The following CLVS1 variants were observed in gnomAD, a reference collection of about 807,000 sequenced individuals.
The protein encoded by CLVS1 is clavesin 1, also known as clavesin-1.
In CLVS1, 10 loss-of-function variants were observed where a neutral mutation model predicts 33.1. That is an observed-to-expected ratio of 0.30 (90% CI 0.19 to 0.51). The LOEUF (loss-of-function observed/expected upper bound fraction) is 0.51, where lower values mean the gene tolerates loss of function less well. Among genes scored for constraint, CLVS1 ranks in the 20% least tolerant of loss-of-function variants. The probability of loss-of-function intolerance (pLI) is 0.97; values close to 1 mark genes in which losing one functional copy is unlikely to be tolerated. For synonymous variants in CLVS1, 163 were observed against 166.1 expected (o/e 0.98, Z 0.14); for missense variants, 343 against 433.4 (o/e 0.79, Z 1.85).
At chr8:61,480,842 A>G (rs1435212788) in intron 5 of CLVS1, among the ~76,000 whole-genome samples, 1 of 152,076 alleles carries the variant, frequency 6.6e-6, no homozygotes, top group Non-Finnish European at 1.5e-5. Context: ...TGAACGTGGA[A>G]TGCTGTTTTA....
chr8:61,223,438 G>A (rs1207727822), intron 2 of CLVS1, among the ~76,000 whole-genome samples: 3 of 152,144 alleles, frequency 2.0e-5, no homozygotes, highest in Non-Finnish European at 4.4e-5. Flanking sequence ...CACTTATGAA[G>A]CCTAGTTTCA....
rs200931790 is a variant in CLVS1, at chr8:61,379,441, GT to G, written c.630+2664del. On this transcript the variant is annotated intron_variant, in intron 3 of 5. Coordinates refer to ENST00000325897, the MANE Select transcript of CLVS1 (RefSeq NM_173519.3). ...CAATACCTCCTGCAGGGACAAGGTG[GT>G]TGGGCCCCTCCCAGACAGCCCAATC... 4.9e-3 allele frequency among the ~76,000 whole-genome samples: 739 copies of G among 151,442 alleles called. 3 individuals carry two copies. Among genetic ancestry groups the G allele is most frequent in the African/African-American group, 0.016 (674 of 41,162 alleles).
chr8:61,143,695 A>G (rs1023693853), intron 2 of CLVS1, among the ~76,000 whole-genome samples: 1 of 150,610 alleles, frequency 6.6e-6, no homozygotes, highest in Non-Finnish European at 1.5e-5. Flanking sequence ...TTATTTTACA[A>G]TAAATTACTC....
intron 2 of CLVS1, among the ~76,000 whole-genome samples, chr8:61,220,672 G>T (rs917346326): frequency 6.6e-6 from 1 of 151,618 alleles, no homozygotes; most frequent in Non-Finnish European, 1.5e-5. Context: ...TGAAATTTAA[G>T]ATAGTTTTTT....
At chr8:61,489,915 A>T (rs1804011083) in intron 5 of CLVS1, among the ~76,000 whole-genome samples, 1 of 152,238 alleles carries the variant, frequency 6.6e-6, no homozygotes. Flanking sequence ...AGGGCAGACT[A>T]CTTGTAGCAA....
intron 3 of CLVS1, among the ~76,000 whole-genome samples, chr8:61,436,242 G>A (rs1044680578): frequency 2.6e-5 from 4 of 152,108 alleles, no homozygotes; most frequent in Admixed American, 1.3e-4. Context: ...GCACTGCAAT[G>A]TATCTCATCT....
At chr8:61,245,271 C>T (rs1464472935) in intron 2 of CLVS1, among the ~76,000 whole-genome samples, 1 of 152,060 alleles carries the variant, frequency 6.6e-6, no homozygotes, top group Non-Finnish European at 1.5e-5. Context: ...CAACCTCTGC[C>T]TCCTGAGTTC....
chr8:61,059,499 T>TATATATATACAC (rs1265187479), intron 1 of CLVS1, among the ~76,000 whole-genome samples: 8 of 96,346 alleles, frequency 8.3e-5, no homozygotes, highest in Admixed American at 1.3e-4. Context: ...TATATATATA[T>TATATATATACAC]ACACATATCT....
At chr8:61,128,997 T>C (rs1806033892) in intron 1 of CLVS1, among the ~76,000 whole-genome samples, 1 of 152,256 alleles carries the variant, frequency 6.6e-6, no homozygotes, top group African/African-American at 2.4e-5. Flanking sequence ...ATTTCTTTTT[T>C]ATTGCATTTG....
At chr8:61,001,360 G>C in the CLVS1 span, among the ~76,000 whole-genome samples, 1 of 152,156 alleles carries the variant, frequency 6.6e-6, no homozygotes, top group Non-Finnish European at 1.5e-5. Context: ...TCAGAATGAT[G>C]ACTAAGATAT....
At position 61,251,946 on chromosome 8, in the gene CLVS1, T is replaced by C. The variant is rs141918149; in HGVS notation, c.-151-47731T>C. Among the ~76,000 whole-genome samples the C allele has an allele frequency of 8.0e-3, 1,214 of 152,302 alleles. 17 individuals carry two copies. The highest frequency in any genetic ancestry group is 0.054 in the East Asian group (279 of 5,180). ...TTCTGCTCTGATCTTAGTTATTTTT[T>C]GTCTTCTGCTAATTTTTGAATTTGT... On this transcript the variant is annotated intron_variant, in intron 2 of 2. Coordinates refer to the CLVS1 transcript ENST00000522621.
At chr8:61,277,970 A>G (rs2129593048) in intron 2 of CLVS1, among the ~76,000 whole-genome samples, 1 of 152,204 alleles carries the variant, frequency 6.6e-6, no homozygotes, top group East Asian at 1.9e-4. Context: ...AAAGCTTGTT[A>G]ATGTAGAGTC....
the CLVS1 span, among the ~76,000 whole-genome samples, chr8:61,014,730 A>G: frequency 1.2e-4 from 18 of 152,268 alleles, no homozygotes; most frequent in African/African-American, 3.9e-4. Flanking sequence ...AGGATGATGC[A>G]CAGTGGAGTA....
chr8:61,144,450 A>G (rs1806376109), intron 2 of CLVS1, among the ~76,000 whole-genome samples: 1 of 152,090 alleles, frequency 6.6e-6, no homozygotes. Flanking sequence ...CCAGCCTATC[A>G]TTGATGGGCA....
intron 2 of CLVS1, among the ~76,000 whole-genome samples, chr8:61,311,190 T>C (rs914868665): frequency 6.6e-6 from 1 of 152,178 alleles, no homozygotes; most frequent in Non-Finnish European, 1.5e-5. Flanking sequence ...AAGCTGTTGA[T>C]TGATGAGGGA....
intron 4 of CLVS1, 65 bp from the exon 5 acceptor site, chr8:61,458,242 A>C: frequency 1.7e-6 from 2 of 1,169,188 alleles, no homozygotes; most frequent in Non-Finnish European, 2.5e-6. Flanking sequence ...ATTGTGTATT[A>C]GATGAAATCT....
chr8:60,994,531 C>G, the CLVS1 span, among the ~76,000 whole-genome samples: 245 of 152,342 alleles, frequency 1.6e-3, 2 homozygotes, highest in African/African-American at 5.4e-3. Flanking sequence ...GCTACTCTGA[C>G]TTGGCTGAAT....
In CLVS1 at chr8:61,238,846, T is replaced by C. The variant is rs113285515; in HGVS notation, c.-151-60831T>C. On this transcript the variant is annotated intron_variant, in intron 2 of 2. Transcript: ENST00000522621. ...AATTTTTCACTCTAATGGATATCTT[T>C]AAACATCAATCTTGGTCCATACCCA... 2.4e-4 allele frequency among the ~76,000 whole-genome samples: 37 copies of C among 152,376 alleles called. 1 individual carries two copies. Among genetic ancestry groups the C allele is most frequent in the African/African-American group, 8.9e-4 (37 of 41,590 alleles).
At chr8:61,371,065 T>A (rs1459499340) in intron 2 of CLVS1, among the ~76,000 whole-genome samples, 1 of 152,214 alleles carries the variant, frequency 6.6e-6, no homozygotes, top group Admixed American at 6.5e-5. Flanking sequence ...CTTTAAGGAA[T>A]CTTCATGCTG....
Sources: gnomAD v4.1 joint callset for allele counts (sites outside exome capture counted in the v4.1 genomes callset) on GRCh38, gnomAD v4.1.1 for gene constraint, MANE v1.5 for transcripts, NCBI Gene and HGNC (gene_info 2026-07-23, HGNC 2026-07-21) for gene names.